Variants in PCED1B observed in about 807,000 individuals in gnomAD.
PCED1B encodes the protein PC-esterase domain-containing protein 1B.
For synonymous variants in PCED1B, 251 were observed against 246.1 expected (o/e 1.02, Z -0.19); for missense variants, 573 against 573.9 (o/e 1.00, Z 0.02).
chr12:47,173,468 G>A (rs1339862511), intron 2 of PCED1B, among the ~76,000 whole-genome samples: 1 of 152,104 alleles, frequency 6.6e-6, no homozygotes, highest in African/African-American at 2.4e-5. Context: ...TAGTCAGGAT[G>A]GTCTCGATCT....
chr12:47,177,667 T>G (rs758650617), intron 2 of PCED1B, among the ~76,000 whole-genome samples: 7 of 151,960 alleles, frequency 4.6e-5, no homozygotes, highest in Non-Finnish European at 1.0e-4. Context: ...ATGTTTGAGG[T>G]TCTGGGCCAG....
intron 1 of PCED1B, among the ~76,000 whole-genome samples, chr12:47,089,461 C>CATGTGTATATATATATATATATATAT (rs1233280547): frequency 1.6e-5 from 1 of 63,398 alleles, no homozygotes; most frequent in African/African-American, 6.1e-5. Flanking sequence ...AAAAAAAATA[C>CATGTGTATATATATATATATATATAT]ATATATATAT....
chr12:47,229,841 C>T (rs890216120), intron 3 of PCED1B, among the ~76,000 whole-genome samples: 2 of 151,778 alleles, frequency 1.3e-5, no homozygotes, highest in South Asian at 2.1e-4. Context: ...GCGATCTTGG[C>T]TCATTGCAAG....
intron 2 of PCED1B, chr12:47,138,500 C>T (rs966120489): frequency 3.3e-5 from 5 of 152,206 alleles, no homozygotes; most frequent in Non-Finnish European, 1.5e-5. Flanking sequence ...TCCTAACTTT[C>T]AGTAGCCTGG....
At chr12:47,175,165 G>A (rs916100391) in intron 2 of PCED1B, among the ~76,000 whole-genome samples, 2 of 152,120 alleles carry the variant, frequency 1.3e-5, no homozygotes, top group Admixed American at 1.3e-4. Context: ...AGGTAGAATT[G>A]CTAGTTGAGT....
chr12:47,226,197 C>G (rs546749794), intron 3 of PCED1B, among the ~76,000 whole-genome samples: 26 of 152,154 alleles, frequency 1.7e-4, no homozygotes, highest in Non-Finnish European at 5.9e-5. Context: ...TACCATGAAA[C>G]TTTAAAAAAA....
intron 2 of PCED1B, among the ~76,000 whole-genome samples, chr12:47,108,425 C>G (rs1239272880): frequency 1.3e-5 from 2 of 152,186 alleles, no homozygotes; most frequent in Non-Finnish European, 2.9e-5. Flanking sequence ...CCTACACGTT[C>G]CTGTTGTTCA....
chr12:47,096,698 G>A (rs934910789), intron 1 of PCED1B, among the ~76,000 whole-genome samples: 15 of 152,020 alleles, frequency 9.9e-5, no homozygotes, highest in African/African-American at 2.9e-4. Flanking sequence ...TAGACTTTTC[G>A]TTAAAAGGAT....
intron 2 of PCED1B, among the ~76,000 whole-genome samples, chr12:47,165,037 G>C (rs565825176): frequency 6.6e-6 from 1 of 152,218 alleles, no homozygotes; most frequent in Non-Finnish European, 1.5e-5. Context: ...GGCCTTAGGA[G>C]ACCAATGTTG....
rs568358411 is a variant in PCED1B at position 47,220,424 on chromosome 12, G to A, written c.-58+3735G>A. ...TGACCTCAGGTGATCCACCCACCTC[G>A]GCCTCCCAAAGTGCTGGGATTACAG... On this transcript the variant is annotated intron_variant, in intron 3 of 3. Coordinates refer to ENST00000546455, the MANE Select transcript of PCED1B (RefSeq NM_138371.3). Among the ~76,000 whole-genome samples the A allele has an allele frequency of 3.9e-3, 590 of 152,208 alleles. 5 individuals are homozygous for A. The highest frequency in any genetic ancestry group is 0.014 in the Middle Eastern group (4 of 294).
At chr12:47,167,599 A>T (rs1565578693) in intron 2 of PCED1B, among the ~76,000 whole-genome samples, 2 of 152,220 alleles carry the variant, frequency 1.3e-5, no homozygotes, top group Non-Finnish European at 2.9e-5. Flanking sequence ...GACAATGAGG[A>T]AAAGCAACCC....
intron 2 of PCED1B, among the ~76,000 whole-genome samples, chr12:47,121,970 T>C (rs905205877): frequency 7.5e-5 from 11 of 146,642 alleles, no homozygotes; most frequent in Non-Finnish European, 1.5e-4. Flanking sequence ...GAGGTTGCAG[T>C]GAGCTGAAAT....
At chr12:47,187,488 C>T (rs1478090290) in intron 2 of PCED1B, among the ~76,000 whole-genome samples, 1 of 152,098 alleles carries the variant, frequency 6.6e-6, no homozygotes, top group African/African-American at 2.4e-5. Context: ...GCTGTTTTAA[C>T]TATAGGCAGC....
At chr12:47,140,460 A>G (rs1424099703) in intron 2 of PCED1B, among the ~76,000 whole-genome samples, 1 of 152,334 alleles carries the variant, frequency 6.6e-6, no homozygotes, top group East Asian at 1.9e-4. Context: ...TACATATATC[A>G]AAGTGTCAGG....
chr12:47,183,060 A>G (rs534053769), intron 2 of PCED1B, among the ~76,000 whole-genome samples: 1 of 151,730 alleles, frequency 6.6e-6, no homozygotes, highest in Non-Finnish European at 1.5e-5. Context: ...TATTCTTTAT[A>G]CCATTTGGAA....
intron 1 of PCED1B, among the ~76,000 whole-genome samples, chr12:47,091,638 A>G (rs981012922): frequency 7.9e-5 from 12 of 152,280 alleles, no homozygotes; most frequent in Admixed American, 7.8e-4. Flanking sequence ...CTCCAAGGTC[A>G]TGAAGATGTT....
chr12:47,102,748 C>T (rs1305581471), intron 1 of PCED1B, among the ~76,000 whole-genome samples: 1 of 151,812 alleles, frequency 6.6e-6, no homozygotes, highest in Non-Finnish European at 1.5e-5. Context: ...TGATTATTAA[C>T]TCAACATTGA....
At chr12:47,131,860 G>C (rs777955902) in intron 2 of PCED1B, among the ~76,000 whole-genome samples, 3 of 152,000 alleles carry the variant, frequency 2.0e-5, no homozygotes, top group Admixed American at 1.3e-4. Context: ...GTAGAGATGG[G>C]GTTTCACCAT....
intron 3 of PCED1B, among the ~76,000 whole-genome samples, chr12:47,222,052 A>C (rs1341178934): frequency 6.8e-6 from 1 of 148,084 alleles, no homozygotes; most frequent in Non-Finnish European, 1.5e-5. Flanking sequence ...GCAGTGAGCC[A>C]TGATCGCACC....
Sources: gnomAD v4.1 joint callset for allele counts (sites outside exome capture counted in the v4.1 genomes callset) on GRCh38, gnomAD v4.1.1 for gene constraint, MANE v1.5 for transcripts, NCBI Gene and HGNC (gene_info 2026-07-23, HGNC 2026-07-21) for gene names.